Variants in SCN11A observed in about 807,000 individuals in gnomAD.
The protein encoded by SCN11A is sodium channel protein type 11 subunit alpha.
A neutral mutation model predicts 162.2 loss-of-function variants in SCN11A; 122 were observed. That is an observed-to-expected ratio of 0.75 (90% CI 0.65 to 0.87). SCN11A has a LOEUF of 0.87. Ranked by LOEUF, SCN11A falls within the 40% of genes least tolerant of loss-of-function variation. The pLI is 0.00. For missense variants in SCN11A, 2,015 were observed against 2,181.6 expected (o/e 0.92, Z 1.52); for synonymous variants, 758 against 751.5 (o/e 1.01, Z -0.14).
chr3:39,010,646 G>A (rs930065732), intron 2 of SCN11A, among the ~76,000 whole-genome samples: 4 of 152,298 alleles, frequency 2.6e-5, no homozygotes, highest in African/African-American at 2.4e-5. Flanking sequence ...CCAAAGTGAT[G>A]GGATTACAGG....
chr3:38,985,596 AGCT>A (rs1559564647), intron 2 of SCN11A, among the ~76,000 whole-genome samples: 1 of 151,032 alleles, frequency 6.6e-6, no homozygotes, highest in Non-Finnish European at 1.5e-5. Flanking sequence ...TTCAAGAAAA[AGCT>A]GTCTTACATA....
At chr3:38,947,000 A>G (rs2066528082) in intron 5 of SCN11A, 93 bp from the exon 6 acceptor site, 1 of 742,424 alleles carries the variant, frequency 1.3e-6, no homozygotes, top group Non-Finnish European at 2.2e-6. Context: ...GAATTCATTT[A>G]GAGAAAATTA....
At chr3:38,958,002 G>T (rs2066702325) in intron 3 of SCN11A, among the ~76,000 whole-genome samples, 1 of 152,198 alleles carries the variant, frequency 6.6e-6, no homozygotes, top group Non-Finnish European at 1.5e-5. Flanking sequence ...GAGGAGGGAG[G>T]GAGGTGGCCT....
chr3:38,932,923 A>G (rs2066267849), intron 7 of SCN11A, among the ~76,000 whole-genome samples: 1 of 152,234 alleles, frequency 6.6e-6, no homozygotes, highest in Admixed American at 6.5e-5. Flanking sequence ...TGCCTCCTCA[A>G]GTGGGTCCCT....
At chr3:38,898,410 C>T (rs2065642363) in intron 17 of SCN11A, among the ~76,000 whole-genome samples, 1 of 152,192 alleles carries the variant, frequency 6.6e-6, no homozygotes, top group Non-Finnish European at 1.5e-5. Context: ...GGTTGCCACA[C>T]AGACCACACA....
intron 2 of SCN11A, among the ~76,000 whole-genome samples, chr3:39,025,010 C>T (rs909480026): frequency 1.3e-5 from 2 of 152,146 alleles, no homozygotes; most frequent in Non-Finnish European, 2.9e-5. Flanking sequence ...TTCAGCAAAC[C>T]CTCAAAGCGC....
intron 11 of SCN11A, among the ~76,000 whole-genome samples, chr3:38,914,998 T>C (rs1303791158): frequency 6.6e-6 from 1 of 152,150 alleles, no homozygotes; most frequent in Non-Finnish European, 1.5e-5. Flanking sequence ...ATTGAATGAT[T>C]TGGGGAGGAG....
intron 19 of SCN11A, 42 bp downstream of exon 19, chr3:38,894,491 C>T (rs774434408): frequency 2.7e-6 from 4 of 1,500,012 alleles, no homozygotes; most frequent in Non-Finnish European, 3.6e-6. Flanking sequence ...GTGATAACTC[C>T]AGCTTTGTAT....
chr3:39,020,943 C>CA (rs371237253), intron 2 of SCN11A, among the ~76,000 whole-genome samples: 2 of 148,246 alleles, frequency 1.3e-5, no homozygotes, highest in Non-Finnish European at 3.0e-5. Flanking sequence ...AGACTTTATT[C>CA]AAAAAAAAAT....
At chr3:38,854,744 G>A (rs879847472) in intron 28 of SCN11A, among the ~76,000 whole-genome samples, 6 of 152,242 alleles carry the variant, frequency 3.9e-5, no homozygotes, top group Admixed American at 2.6e-4. Flanking sequence ...TGCAGATCAC[G>A]AGAGAAGGTT....
chr3:38,979,957 A>G (rs899855142), intron 2 of SCN11A, among the ~76,000 whole-genome samples: 6 of 152,230 alleles, frequency 3.9e-5, no homozygotes, highest in African/African-American at 1.4e-4. Flanking sequence ...TTTGCTCAAC[A>G]GAAGAGAAAG....
Position 38,908,265 on chromosome 3 carries a change from C to T in SCN11A, c.1300-143G>A, listed in dbSNP as rs570188867. ...TTGCTCATCATCTACCTGGACTACG[C>T]TAGCTCTGTTATTTATCTGGGGAAA... On this transcript the variant is annotated intron_variant, in intron 13 of 29. Coordinates refer to ENST00000302328, the MANE Select transcript of SCN11A (RefSeq NM_001349253.2). 3 of 700,104 alleles carry T rather than the reference C, an allele frequency of 4.3e-6. No homozygotes were observed. The Admixed American group carries it at 8.8e-5, about 21-fold the overall frequency. 43.4% of individuals were successfully genotyped at this position (700,104 alleles called of 1,614,324 possible).
chr3:38,996,906 T>C (rs2030663175), intron 2 of SCN11A, among the ~76,000 whole-genome samples: 1 of 152,178 alleles, frequency 6.6e-6, no homozygotes, highest in Admixed American at 6.5e-5. Flanking sequence ...ATCATGCCAC[T>C]GTACAGGATA....
chr3:38,985,220 C>T (rs1292705430), intron 2 of SCN11A, among the ~76,000 whole-genome samples: 4 of 147,058 alleles, frequency 2.7e-5, no homozygotes, highest in African/African-American at 7.9e-5. Context: ...CTCTGCCTCC[C>T]GGGTTTATGC....
At chr3:39,044,616 G>C (rs2032142584) in intron 1 of SCN11A, among the ~76,000 whole-genome samples, 1 of 151,994 alleles carries the variant, frequency 6.6e-6, no homozygotes, top group Admixed American at 6.6e-5. Context: ...AAAATTAATT[G>C]AAACAAATGA....
intron 2 of SCN11A, among the ~76,000 whole-genome samples, chr3:39,022,880 A>G: frequency 7.1e-6 from 1 of 141,162 alleles, no homozygotes; most frequent in East Asian, 2.7e-4. Flanking sequence ...CCCTGTCTCA[A>G]AAAAAAAATA....
At chr3:39,021,481 G>A (rs1453968483) in intron 2 of SCN11A, among the ~76,000 whole-genome samples, 1 of 152,192 alleles carries the variant, frequency 6.6e-6, no homozygotes, top group Non-Finnish European at 1.5e-5. Context: ...AGACCCTGGT[G>A]TGGGGAACTG....
At chr3:38,951,495 G>A (rs910713172) in intron 4 of SCN11A, among the ~76,000 whole-genome samples, 4 of 152,248 alleles carry the variant, frequency 2.6e-5, no homozygotes, top group African/African-American at 7.2e-5. Flanking sequence ...TCTGCTCCAC[G>A]GCGCCCAGTC....
chr3:38,947,283 T>G (rs1175190546), intron 5 of SCN11A, among the ~76,000 whole-genome samples: 1 of 152,192 alleles, frequency 6.6e-6, no homozygotes, highest in Non-Finnish European at 1.5e-5. Context: ...CAATGAATCT[T>G]AGAATAAGTG....
Sources: allele counts gnomAD v4.1 joint callset (sites outside exome capture counted in the v4.1 genomes callset), GRCh38; gene constraint gnomAD v4.1.1; transcripts MANE v1.5; gene names NCBI Gene and HGNC (gene_info 2026-07-23, HGNC 2026-07-21).